Variants in DLGAP1 observed in about 807,000 individuals in gnomAD.
DLGAP1 encodes DLG associated protein 1, also known as disks large-associated protein 1.
A neutral mutation model predicts 90.8 loss-of-function variants in DLGAP1; 11 were observed. The observed-to-expected ratio is 0.12, with a 90% CI of 0.08 to 0.20. The LOEUF (loss-of-function observed/expected upper bound fraction) is 0.20, where lower values mean the gene tolerates loss of function less well. DLGAP1 is among the 10% of genes least tolerant of loss of function. The pLI is 1.00. For missense variants in DLGAP1, 1,050 were observed against 1,333.8 expected (o/e 0.79, Z 3.31); for synonymous variants, 558 against 540.7 (o/e 1.03, Z -0.44).
chr18:3,819,643 A>T (rs1478914671), intron 4 of DLGAP1, among the ~76,000 whole-genome samples: 2 of 152,184 alleles, frequency 1.3e-5, no homozygotes, highest in Admixed American at 1.3e-4. Flanking sequence ...ATGAAGAGTA[A>T]ATATTATAAC....
In DLGAP1 at chr18:3,565,706, G is replaced by A. The variant is rs1378054825; in HGVS notation, c.2057+1784C>T. On this transcript the variant is annotated intron_variant, in intron 9 of 12. Transcript: ENST00000315677. The surrounding 1 kb of genome is among the most constrained non-coding windows in gnomAD (Gnocchi z 4.0). ...AAAAATTAGCTGGGCGTGATGGTCC[G>A]TGCCTGTAGTCCCAGCCACTCGGGA... 2.0e-5 allele frequency among the ~76,000 whole-genome samples: 3 copies of A among 151,874 alleles called. No individual in the cohort carries two copies. Among genetic ancestry groups the A allele is most frequent in the South Asian group, 2.1e-4 (1 of 4,788 alleles).
At chr18:4,394,715 G>A (rs998771679) in intron 1 of DLGAP1, among the ~76,000 whole-genome samples, 9 of 152,114 alleles carry the variant, frequency 5.9e-5, no homozygotes, top group African/African-American at 2.2e-4. Context: ...TTTTAAATAG[G>A]TGGGAACAAA....
rs575415414 is a variant in DLGAP1, at chr18:3,965,539, T to A, written c.-73+39577A>T. ...AGTAGGTTGTGATCAAATCATAACA[T>A]AATACCTAAAGAGGCATCAATATAG... is the stretch of plus-strand genomic sequence containing the variant. On this transcript the variant is annotated intron_variant, in intron 3 of 12. Coordinates refer to ENST00000315677, the MANE Select transcript of DLGAP1 (RefSeq NM_004746.4). Among the ~76,000 whole-genome samples the A allele has an allele frequency of 1.4e-4, 21 of 152,284 alleles. No homozygotes were observed. In the South Asian group the frequency reaches 1.5e-3, roughly 11 times the overall value.
At chr18:3,801,250 A>T (rs1238943647) in intron 5 of DLGAP1, among the ~76,000 whole-genome samples, 2 of 152,054 alleles carry the variant, frequency 1.3e-5, no homozygotes. Context: ...TCAACATGGG[A>T]TTTGGAGGGG....
At chr18:4,074,789 A>G (rs1568381934) in intron 2 of DLGAP1, among the ~76,000 whole-genome samples, 1 of 152,154 alleles carries the variant, frequency 6.6e-6, no homozygotes, top group South Asian at 2.1e-4. Context: ...TGTAATCTCA[A>G]ACTTGTTCTT....
intron 2 of DLGAP1, among the ~76,000 whole-genome samples, chr18:4,066,721 G>GT (rs780582834): frequency 1.8e-4 from 27 of 152,256 alleles, no homozygotes; most frequent in Middle Eastern, 6.8e-3. Context: ...CTTTTACACT[G>GT]TTGGGGGGGT....
chr18:3,579,216 GTCTT>G (rs996920655), intron 8 of DLGAP1, among the ~76,000 whole-genome samples: 1 of 152,110 alleles, frequency 6.6e-6, no homozygotes, highest in African/African-American at 2.4e-5. Context: ...AGTTAAAACG[GTCTT>G]TCTTTTTGAG....
chr18:3,588,038 C>A (rs2055997103), intron 7 of DLGAP1, among the ~76,000 whole-genome samples: 1 of 152,210 alleles, frequency 6.6e-6, no homozygotes, highest in South Asian at 2.1e-4. Context: ...CCTCATCTGG[C>A]TGAAAGGACT....
chr18:4,147,949 A>T, intron 2 of DLGAP1, among the ~76,000 whole-genome samples: 1 of 152,178 alleles, frequency 6.6e-6, no homozygotes, highest in African/African-American at 2.4e-5. Context: ...AACATGTTAG[A>T]AATGTGCATT....
intron 7 of DLGAP1, among the ~76,000 whole-genome samples, chr18:3,588,651 G>GCACA (rs2056043064): frequency 1.4e-5 from 2 of 143,264 alleles, no homozygotes; most frequent in African/African-American, 5.2e-5. Context: ...GTGGTGGTGT[G>GCACA]TGCCTGTATT....
chr18:3,766,793 T>C (rs2064264066), intron 5 of DLGAP1, among the ~76,000 whole-genome samples: 1 of 152,020 alleles, frequency 6.6e-6, no homozygotes, highest in African/African-American at 2.4e-5. Context: ...AAAACAAGCA[T>C]ATTAGAAGTT....
chr18:3,796,960 T>A (rs1262237754), intron 5 of DLGAP1, among the ~76,000 whole-genome samples: 1 of 152,152 alleles, frequency 6.6e-6, no homozygotes, highest in African/African-American at 2.4e-5. Context: ...TATCTGGAGA[T>A]GGGGCCTTTG....
intron 1 of DLGAP1, among the ~76,000 whole-genome samples, chr18:4,173,468 C>T (rs1272044797): frequency 1.3e-5 from 2 of 152,084 alleles, no homozygotes; most frequent in African/African-American, 2.4e-5. Context: ...GGATATTAGA[C>T]ATTTGCTTTA....
intron 1 of DLGAP1, among the ~76,000 whole-genome samples, chr18:4,245,672 T>A (rs2078639477): frequency 6.6e-6 from 1 of 152,230 alleles, no homozygotes; most frequent in Non-Finnish European, 1.5e-5. Flanking sequence ...TAATGATGTA[T>A]CATCAGAATC....
Position 4,300,625 on chromosome 18 carries a change from C to T in DLGAP1, c.-266-149338G>A, listed in dbSNP as rs1024494262. Among the ~76,000 whole-genome samples, 3 of 152,074 alleles carry T rather than the reference C, an allele frequency of 2.0e-5. No homozygotes were observed. In the East Asian group the frequency reaches 5.8e-4, roughly 29 times the overall value. ...AGCTCTACTGGTATTACTGATCACC[C>T]CTCTTTCTGCTTTTAAAGTGTCTTC... is the stretch of plus-strand genomic sequence containing the variant. On this transcript the variant is annotated intron_variant, in intron 1 of 12. Coordinates refer to ENST00000315677, the MANE Select transcript of DLGAP1 (RefSeq NM_004746.4).
chr18:3,921,717 T>G (rs566409896), intron 3 of DLGAP1, among the ~76,000 whole-genome samples: 2 of 152,264 alleles, frequency 1.3e-5, no homozygotes, highest in Admixed American at 6.5e-5. Flanking sequence ...TTGTAAGGAT[T>G]TAAATAGGTC....
At chr18:3,825,757 C>T (rs993182544) in intron 4 of DLGAP1, among the ~76,000 whole-genome samples, 1 of 152,066 alleles carries the variant, frequency 6.6e-6, no homozygotes, top group East Asian at 1.9e-4. Flanking sequence ...TACCATTTGA[C>T]CCAGCAATCA....
At chr18:4,227,171 T>C (rs745732404) in intron 1 of DLGAP1, among the ~76,000 whole-genome samples, 21 of 152,034 alleles carry the variant, frequency 1.4e-4, no homozygotes, top group Non-Finnish European at 2.2e-4. Flanking sequence ...ATTGTAAATA[T>C]ATATGCACCC....
chr18:4,012,894 G>T (rs369466132), intron 2 of DLGAP1, among the ~76,000 whole-genome samples: 1 of 152,036 alleles, frequency 6.6e-6, no homozygotes, highest in African/African-American at 2.4e-5. Context: ...ATAGAGACAG[G>T]GGGTCTCATT....
Sources: gnomAD v4.1 joint callset for allele counts (sites outside exome capture counted in the v4.1 genomes callset) on GRCh38, gnomAD v4.1.1 for gene constraint, Gnocchi (gnomAD v3.1) non-coding constraint, MANE v1.5 for transcripts, NCBI Gene and HGNC (gene_info 2026-07-23, HGNC 2026-07-21) for gene names.